ACSS3: variants seen among roughly 807,000 people sequenced by gnomAD.
ACSS3 encodes the protein acyl-CoA synthetase short-chain family member 3, mitochondrial.
In ACSS3, 64 loss-of-function variants were observed where a neutral mutation model predicts 84.2. The ratio of observed to expected loss-of-function variants is 0.76; its 90% confidence interval spans 0.62 to 0.94. ACSS3 has a LOEUF of 0.94. Ranked by LOEUF, ACSS3 falls within the 40% of genes least tolerant of loss-of-function variation. ACSS3 has a pLI of 0.00. For missense variants in ACSS3, 815 were observed against 867.6 expected, an observed-to-expected ratio of 0.94 and a Z score of 0.76; for synonymous variants, 317 against 310.1, an observed-to-expected ratio of 1.02 and a Z score of -0.23.
At chr12:81,151,395 C>T (rs1373724047) in intron 5 of ACSS3, among the ~76,000 whole-genome samples, 2 of 152,078 alleles carry the variant, frequency 1.3e-5, no homozygotes, top group Admixed American at 1.3e-4. Flanking sequence ...ACTTTGTTTC[C>T]TCCAAGCAGC....
At chr12:81,082,210 T>G (rs1881025219) in intron 1 of ACSS3, among the ~76,000 whole-genome samples, 1 of 152,212 alleles carries the variant, frequency 6.6e-6, no homozygotes, top group African/African-American at 2.4e-5. Context: ...GACCCTGGCC[T>G]CCTCTCTCCT....
chr12:81,202,451 G>T (rs1388871177), intron 9 of ACSS3, among the ~76,000 whole-genome samples: 1 of 152,084 alleles, frequency 6.6e-6, no homozygotes, highest in Non-Finnish European at 1.5e-5. Context: ...GTGCATTAAT[G>T]AGTTTCCTAG....
intron 9 of ACSS3, among the ~76,000 whole-genome samples, chr12:81,212,935 C>T (rs2032652600): frequency 1.3e-5 from 2 of 152,146 alleles, no homozygotes; most frequent in African/African-American, 4.8e-5. Flanking sequence ...ATTCCCTGTT[C>T]ATCTTCTTCC....
At chr12:81,232,877 T>C (rs940082144) in intron 12 of ACSS3, among the ~76,000 whole-genome samples, 2 of 151,814 alleles carry the variant, frequency 1.3e-5, no homozygotes, top group African/African-American at 4.8e-5. Flanking sequence ...TTAAATTTCA[T>C]ACTTACTATT....
intron 9 of ACSS3, among the ~76,000 whole-genome samples, chr12:81,203,988 A>G (rs948495189): frequency 3.9e-5 from 6 of 152,204 alleles, no homozygotes; most frequent in African/African-American, 9.6e-5. Context: ...CATGTGCCAA[A>G]AAAAAGAAAT....
intron 5 of ACSS3, among the ~76,000 whole-genome samples, chr12:81,149,501 A>G (rs1004464908): frequency 2.0e-5 from 3 of 152,166 alleles, no homozygotes; most frequent in African/African-American, 7.2e-5. Context: ...ATATGAAACC[A>G]TGCATTTCTT....
At chr12:81,133,864 A>AAT (rs1885651439) in intron 2 of ACSS3, among the ~76,000 whole-genome samples, 1 of 152,068 alleles carries the variant, frequency 6.6e-6, no homozygotes, top group Non-Finnish European at 1.5e-5. Context: ...ATAGATACTT[A>AAT]ATATATATAT....
chr12:81,109,372 T>C (rs1883373228), intron 1 of ACSS3, among the ~76,000 whole-genome samples, 188 bp from the exon 2 acceptor site: 1 of 152,188 alleles, frequency 6.6e-6, no homozygotes, highest in South Asian at 2.1e-4. Flanking sequence ...TACATGCTTA[T>C]TAAAATAAAA....
At chr12:81,234,127 T>C (rs1365160158) in intron 13 of ACSS3, among the ~76,000 whole-genome samples, 2 of 151,482 alleles carry the variant, frequency 1.3e-5, no homozygotes, top group African/African-American at 2.4e-5. Context: ...TCTCCAATTT[T>C]ATATAAATAG....
intron 2 of ACSS3, among the ~76,000 whole-genome samples, chr12:81,111,018 C>T (rs1215823277): frequency 6.6e-6 from 1 of 152,116 alleles, no homozygotes; most frequent in African/African-American, 2.4e-5. Context: ...TAAAGGATCG[C>T]CTTTCCAGTC....
chr12:81,207,437 A>T lies in ACSS3; in HGVS notation c.1354+7993A>T, dbSNP rs548344530. ...ACTGCCTTTACATCCCAATTCAGCC[A>T]CTTACTCTATAGCCAAGGGCAAATC... On this transcript the variant is annotated intron_variant, in intron 9 of 15. Coordinates refer to ENST00000548058, the MANE Select transcript of ACSS3 (RefSeq NM_024560.4). Among the ~76,000 whole-genome samples the T allele has an allele frequency of 9.3e-4, 141 of 152,288 alleles. No homozygotes were observed. The Middle Eastern group carries it at 0.017, about 18-fold the overall frequency.
Position 81,253,301 on chromosome 12 carries a change from T to C in ACSS3, c.1720-6T>C, listed in dbSNP as rs1040698194. The C allele has an allele frequency of 1.2e-6, 2 of 1,612,842 alleles. No homozygotes were observed. The highest frequency in any genetic ancestry group is 1.7e-6 in the Non-Finnish European group (2 of 1,179,026). On this transcript the variant is annotated splice_region_variant and splice_polypyrimidine_tract_variant and intron_variant, in intron 13 of 15. Transcript: ENST00000548058. ...TATTCTAAATGAATGCCTTTCCTTA[T>C]TACAGTCAATCCTTTCCCATGGTAC...
At chr12:81,228,551 CACCTTATTTT>C (rs2033345625) in intron 11 of ACSS3, among the ~76,000 whole-genome samples, 1 of 151,746 alleles carries the variant, frequency 6.6e-6, no homozygotes, top group South Asian at 2.1e-4. Context: ...AAATTGCTAG[CACCTTATTTT>C]TTCTCAGGAA....
intron 4 of ACSS3, among the ~76,000 whole-genome samples, chr12:81,139,754 GC>G (rs1007532198): frequency 2.6e-5 from 4 of 151,538 alleles, no homozygotes; most frequent in Admixed American, 2.6e-4. Flanking sequence ...TCCTGCCTCA[GC>G]CTCTGGAGTA....
At chr12:81,196,243 T>A (rs2031822710) in intron 8 of ACSS3, among the ~76,000 whole-genome samples, 1 of 152,138 alleles carries the variant, frequency 6.6e-6, no homozygotes, top group African/African-American at 2.4e-5. Context: ...ATGATCTACC[T>A]CTACACTCTC....
chr12:81,245,426 C>T (rs184090827), intron 13 of ACSS3, among the ~76,000 whole-genome samples: 167 of 152,298 alleles, frequency 1.1e-3, no homozygotes, highest in Non-Finnish European at 1.4e-3. Flanking sequence ...CGCGCCACTG[C>T]ACTGCAGCCT....
chr12:81,244,064 T>A (rs907491602), intron 13 of ACSS3, among the ~76,000 whole-genome samples: 1 of 152,082 alleles, frequency 6.6e-6, no homozygotes, highest in Non-Finnish European at 1.5e-5. Flanking sequence ...TCTAAAAAAG[T>A]CTTTATTTCT....
chr12:81,247,472 G>T (rs117781941), intron 13 of ACSS3, among the ~76,000 whole-genome samples: 1 of 152,232 alleles, frequency 6.6e-6, no homozygotes, highest in Non-Finnish European at 1.5e-5. Flanking sequence ...TGGAAAAAGA[G>T]AAAAACATGC....
chr12:81,166,749 G>T (rs1341336520), intron 7 of ACSS3, among the ~76,000 whole-genome samples: 1 of 152,188 alleles, frequency 6.6e-6, no homozygotes, highest in East Asian at 1.9e-4. Context: ...ATCTGAGCAT[G>T]TTTGAAGGTT....
Sources: allele counts gnomAD v4.1 joint callset (sites outside exome capture counted in the v4.1 genomes callset), GRCh38; gene constraint gnomAD v4.1.1; transcripts MANE v1.5; gene names NCBI Gene and HGNC (gene_info 2026-07-23, HGNC 2026-07-21).